Variants in GPD2 observed in about 807,000 individuals in gnomAD.
GPD2 encodes glycerol-3-phosphate dehydrogenase 2, also known as glycerol-3-phosphate dehydrogenase, mitochondrial.
In GPD2, 54 loss-of-function variants were observed where a neutral mutation model predicts 82.4. The ratio of observed to expected loss-of-function variants is 0.66; its 90% CI spans 0.53 to 0.82. GPD2 has a LOEUF of 0.82. Among genes scored for constraint, GPD2 ranks in the 40% least tolerant of loss-of-function variants. The pLI is 0.00. For missense variants in GPD2, 748 were observed against 896.2 expected, an observed-to-expected ratio of 0.83 and a Z score of 2.11; for synonymous variants, 288 against 306.1, an observed-to-expected ratio of 0.94 and a Z score of 0.62.
At chr2:156,580,702 C>T (rs80275679) in intron 16 of GPD2, among the ~76,000 whole-genome samples, 295 of 152,138 alleles carry the variant, frequency 1.9e-3, no homozygotes, top group African/African-American at 6.8e-3. Context: ...AAGATCAAGG[C>T]AAAGGAAATG....
At chr2:156,455,371 C>T (rs1283908430) in intron 1 of GPD2, among the ~76,000 whole-genome samples, 1 of 152,204 alleles carries the variant, frequency 6.6e-6, no homozygotes, top group African/African-American at 2.4e-5. Context: ...TTGACTAGCA[C>T]AGTCCTTATA....
chr2:156,465,907 T>C (rs1355022355), intron 1 of GPD2, among the ~76,000 whole-genome samples: 1 of 152,192 alleles, frequency 6.6e-6, no homozygotes, highest in Non-Finnish European at 1.5e-5. Context: ...ATTTAAAGTT[T>C]TTCTCCCTGT....
At chr2:156,525,604 T>G (rs1247396916) in intron 6 of GPD2, among the ~76,000 whole-genome samples, 5 of 152,248 alleles carry the variant, frequency 3.3e-5, no homozygotes, top group Non-Finnish European at 7.3e-5. Flanking sequence ...ATGGTTTTTA[T>G]TTAACGTTAT....
intron 2 of GPD2, chr2:156,495,779 G>A (rs1684347755): frequency 2.2e-6 from 1 of 456,294 alleles, no homozygotes; most frequent in Admixed American, 3.5e-5. Flanking sequence ...AATTGAACTT[G>A]GCTGTATATG....
the GPD2 span, among the ~76,000 whole-genome samples, chr2:156,422,062 G>A: frequency 2.6e-5 from 4 of 152,168 alleles, no homozygotes; most frequent in Non-Finnish European, 5.9e-5. Context: ...AGGAGTTTGA[G>A]TTTATAGTTA....
intron 2 of GPD2, among the ~76,000 whole-genome samples, chr2:156,476,444 T>C (rs1233417096): frequency 1.3e-5 from 2 of 152,222 alleles, no homozygotes; most frequent in Non-Finnish European, 1.5e-5. Flanking sequence ...GTGTTTTGGC[T>C]CTTTGGTTTT....
rs768082223 is a variant in GPD2, at chr2:156,496,230, T to A, written c.274+15T>A. The A allele has an allele frequency of 2.9e-5, 46 of 1,586,602 alleles. No homozygotes were observed. The highest frequency in any genetic ancestry group is 3.6e-5 in the Non-Finnish European group (42 of 1,157,068). On this transcript the variant is annotated intron_variant, in intron 3 of 16. Coordinates refer to ENST00000438166, the MANE Select transcript of GPD2 (RefSeq NM_000408.5). ...TGTCACCAGAGGTAAGTCTTTTTTT[T>A]TTTTATTTTAATTTTAAGTTCTGGG...
chr2:156,439,363 G>C (rs957352197), intron 1 of GPD2, among the ~76,000 whole-genome samples: 6 of 148,630 alleles, frequency 4.0e-5, no homozygotes, highest in Non-Finnish European at 3.0e-5. Flanking sequence ...CAGGCAGATC[G>C]CTTGAGCCCA....
At chr2:156,493,926 ATGTGTGTG>A (rs542950582) in intron 2 of GPD2, among the ~76,000 whole-genome samples, 10 of 136,218 alleles carry the variant, frequency 7.3e-5, no homozygotes, top group Non-Finnish European at 1.1e-4. Context: ...ATATATATGT[ATGTGTGTG>A]TGTGTGTGTG....
chr2:156,436,210 G>T (rs1334108925), upstream of GPD2, among the ~76,000 whole-genome samples: 1 of 152,240 alleles, frequency 6.6e-6, no homozygotes, highest in African/African-American at 2.4e-5. Flanking sequence ...TTCCCCGCTG[G>T]GCCGGAGGAG....
chr2:156,421,199 C>T, the GPD2 span, among the ~76,000 whole-genome samples: 9 of 152,280 alleles, frequency 5.9e-5, no homozygotes, highest in East Asian at 1.7e-3. Flanking sequence ...ATGGTGTAGT[C>T]TGAGGACTAC....
chr2:156,475,332 A>G (rs551431010), intron 1 of GPD2, among the ~76,000 whole-genome samples: 1 of 152,154 alleles, frequency 6.6e-6, no homozygotes, highest in Non-Finnish European at 1.5e-5. Context: ...TCTGTAAAGT[A>G]TACTCTTTTT....
chr2:156,452,771 A>G (rs995856519), intron 1 of GPD2, among the ~76,000 whole-genome samples: 1 of 152,196 alleles, frequency 6.6e-6, no homozygotes, highest in African/African-American at 2.4e-5. Context: ...TTGTACAAAT[A>G]AAATTTCTGA....
chr2:156,420,898 G>A, the GPD2 span, among the ~76,000 whole-genome samples: 636 of 152,292 alleles, frequency 4.2e-3, 9 homozygotes, highest in African/African-American at 0.013. Flanking sequence ...AAGCAGTGAA[G>A]CCCAAATAAT....
At chr2:156,552,876 G>A (rs1359560594) in intron 8 of GPD2, among the ~76,000 whole-genome samples, 2 of 148,350 alleles carry the variant, frequency 1.3e-5, no homozygotes, top group African/African-American at 5.0e-5. Flanking sequence ...ACTTCTTTCA[G>A]CTTCTGGTTC....
chr2:156,540,822 G>A (rs1479323919), intron 6 of GPD2, among the ~76,000 whole-genome samples: 1 of 152,186 alleles, frequency 6.6e-6, no homozygotes. Flanking sequence ...AGAGAGAAAA[G>A]GAGTAAAAGA....
upstream of GPD2, among the ~76,000 whole-genome samples, chr2:156,431,495 T>C (rs1010071490): frequency 7.9e-5 from 12 of 152,196 alleles, no homozygotes; most frequent in African/African-American, 2.2e-4. Flanking sequence ...GCTTTTTTTT[T>C]TCAATATTGT....
intron 3 of GPD2, among the ~76,000 whole-genome samples, chr2:156,507,549 C>T (rs561857604): frequency 1.3e-5 from 2 of 152,166 alleles, no homozygotes; most frequent in African/African-American, 4.8e-5. Flanking sequence ...GTCTTGAACT[C>T]CTGGGCTCAA....
chr2:156,549,491 A>C lies in GPD2; in HGVS notation c.662-117A>C, dbSNP rs1036643406. Reference sequence around the variant, plus strand: ...TGCCCTGTCAAGCTGCCCAGCCATCATGCATATCCTGGGTGACAGGGACAG... The same window carrying C: ...TGCCCTGTCAAGCTGCCCAGCCATCCTGCATATCCTGGGTGACAGGGACAG... On this transcript the variant is annotated intron_variant, in intron 6 of 16. Coordinates refer to ENST00000438166, the MANE Select transcript of GPD2 (RefSeq NM_000408.5). The C allele has an allele frequency of 3.3e-5, 30 of 904,380 alleles. No homozygotes were observed. In the Admixed American group the frequency reaches 4.8e-4, roughly 14 times the overall value. The allele number at this position is 904,380 out of a possible 1,614,324, so 56.0% of individuals were successfully genotyped here. A position where few individuals can be genotyped will look rare whatever the true frequency, so the allele number is the denominator to read the frequency against.
Sources: gnomAD v4.1 joint callset for allele counts (sites outside exome capture counted in the v4.1 genomes callset) on GRCh38, gnomAD v4.1.1 for gene constraint, MANE v1.5 for transcripts, NCBI Gene and HGNC (gene_info 2026-07-23, HGNC 2026-07-21) for gene names.